The following NCOA2 variants were observed in gnomAD, a reference collection of about 807,000 sequenced individuals.
NCOA2 encodes class E basic helix-loop-helix protein 75.
Under a neutral mutation model 145.1 loss-of-function variants are expected in NCOA2, and 21 were observed. The observed-to-expected ratio is 0.14, with a 90% CI of 0.10 to 0.21. NCOA2 has a LOEUF of 0.21. Among genes scored for constraint, NCOA2 ranks in the 10% least tolerant of loss-of-function variants. The pLI is 1.00. For missense variants in NCOA2, 1,472 were observed against 1,837.6 expected (o/e 0.80, Z 3.64); for synonymous variants, 619 against 637.5 (o/e 0.97, Z 0.44).
the NCOA2 span, among the ~76,000 whole-genome samples, chr8:70,451,233 A>ATATATATATATATATAT: frequency 1.2e-5 from 1 of 85,730 alleles, no homozygotes; most frequent in African/African-American, 4.4e-5. Context: ...AAAAAAAAAA[A>ATATATATATATATATAT]AAAAATATAT....
At chr8:70,345,358 T>C (rs929915738) in intron 1 of NCOA2, among the ~76,000 whole-genome samples, 1 of 152,202 alleles carries the variant, frequency 6.6e-6, no homozygotes, top group Admixed American at 6.5e-5. Context: ...CAGAGACATG[T>C]AATTTTTTCC....
chr8:70,116,777 G>A (rs1807183460), intron 22 of NCOA2, among the ~76,000 whole-genome samples: 1 of 152,202 alleles, frequency 6.6e-6, no homozygotes, highest in South Asian at 2.1e-4. Flanking sequence ...TTAACAATCA[G>A]CATGAAGAAA....
chr8:70,387,463 A>G (rs2131555092), intron 1 of NCOA2, among the ~76,000 whole-genome samples: 1 of 152,352 alleles, frequency 6.6e-6, no homozygotes, highest in Admixed American at 6.5e-5. Flanking sequence ...CGTCTCAGAA[A>G]TAATAAATCC....
chr8:70,419,090 TG>T, the NCOA2 span, among the ~76,000 whole-genome samples: 11 of 151,210 alleles, frequency 7.3e-5, no homozygotes, highest in Non-Finnish European at 7.4e-5. Context: ...AGTGGAATTT[TG>T]TAGGATTTTA....
intron 1 of NCOA2, among the ~76,000 whole-genome samples, chr8:70,355,587 T>TA (rs1809611303): frequency 6.6e-6 from 1 of 152,078 alleles, no homozygotes; most frequent in African/African-American, 2.4e-5. Context: ...TTTTTTCTTT[T>TA]TTTTTTTCTC....
At chr8:70,120,215 T>C (rs532528006) in intron 22 of NCOA2, among the ~76,000 whole-genome samples, 30 of 152,316 alleles carry the variant, frequency 2.0e-4, no homozygotes, top group African/African-American at 7.0e-4. Context: ...ACAGGTTGTA[T>C]GGGATAGGAT....
At chr8:70,411,638 C>T in the NCOA2 span, among the ~76,000 whole-genome samples, 54 of 152,252 alleles carry the variant, frequency 3.5e-4, no homozygotes, top group African/African-American at 1.2e-3. Context: ...CAATGGAATA[C>T]TATACTGAAA....
At chr8:70,344,527 T>C (rs1808434764) in intron 1 of NCOA2, among the ~76,000 whole-genome samples, 2 of 152,200 alleles carry the variant, frequency 1.3e-5, no homozygotes, top group South Asian at 4.1e-4. Context: ...ACAAACTCTC[T>C]AGATTTCTAA....
intron 4 of NCOA2, among the ~76,000 whole-genome samples, chr8:70,194,866 G>C (rs549937404): frequency 2.0e-4 from 31 of 152,194 alleles, no homozygotes; most frequent in African/African-American, 6.5e-4. Flanking sequence ...CCAAATGGCA[G>C]ACAAAGCCAA....
upstream of NCOA2, among the ~76,000 whole-genome samples, chr8:70,408,753 A>C (rs893962245): frequency 1.4e-5 from 2 of 148,030 alleles, no homozygotes; most frequent in African/African-American, 5.0e-5. Flanking sequence ...TCAGGAATAC[A>C]GGTGTGTGCC....
chr8:70,334,501 C>T (rs1004314828), intron 1 of NCOA2, among the ~76,000 whole-genome samples: 1 of 152,196 alleles, frequency 6.6e-6, no homozygotes, highest in Admixed American at 6.5e-5. Flanking sequence ...TCTCTCTAGT[C>T]TATGTACAAC....
In NCOA2 at chr8:70,341,094, A is replaced by AAAGAAAG. The variant is rs1554630207; in HGVS notation, c.-76-44295_-76-44294insCTTTCTT. ...AACTTAAAAAGTTGAAAAAAAAAAA[A>AAAGAAAG]AAAGAAACAAATAGGCTGGGCATGG... On this transcript the variant is annotated intron_variant, in intron 1 of 22. Coordinates refer to ENST00000452400, the MANE Select transcript of NCOA2 (RefSeq NM_006540.4). 3.3e-3 allele frequency among the ~76,000 whole-genome samples: 499 copies of AAAGAAAG among 150,326 alleles called. 6 individuals carry two copies. The highest frequency in any genetic ancestry group is 0.027 in the South Asian group (128 of 4,684).
chr8:70,294,225 T>C (rs1023203716), intron 2 of NCOA2, among the ~76,000 whole-genome samples: 1 of 152,140 alleles, frequency 6.6e-6, no homozygotes, highest in East Asian at 1.9e-4. Context: ...TTCCCAGAGA[T>C]ACAAACTATC....
At chr8:70,122,255 G>A (rs1458653833) in intron 21 of NCOA2, among the ~76,000 whole-genome samples, 1 of 151,862 alleles carries the variant, frequency 6.6e-6, no homozygotes, top group Non-Finnish European at 1.5e-5. Flanking sequence ...ATAAACACAC[G>A]CATATATTTT....
Position 70,156,391 on chromosome 8 carries a change from G to C in NCOA2, c.1974C>G (p.Ala658=). The C allele has an allele frequency of 6.2e-7, 1 of 1,613,988 alleles. No individual in the cohort carries two copies. Among genetic ancestry groups the C allele is most frequent in the Non-Finnish European group, 8.5e-7 (1 of 1,179,896 alleles). Residue 658 remains alanine (A), a synonymous_variant, in exon 11 of 23, where the codon GCC becomes GCG. Transcript: ENST00000452400. The part of the protein sequence containing the change: ...KSDQMEPSPL[A]SSLSDTNKDS... ...CTTTGTTTGTATCCGACAAAGAGCT[G>C]GCTAAGGGCGAGGGCTCCATCTGAT...
chr8:70,227,240 C>T (rs1414178620), intron 2 of NCOA2, among the ~76,000 whole-genome samples: 1 of 152,154 alleles, frequency 6.6e-6, no homozygotes, highest in Non-Finnish European at 1.5e-5. Context: ...CATTTAACTC[C>T]AAACTTTCCT....
chr8:70,424,376 G>T, the NCOA2 span: 1 of 377,716 alleles, frequency 2.6e-6, no homozygotes. Flanking sequence ...CTGCTTAGTG[G>T]CAATCATATG....
chr8:70,142,025 A>T (rs934915380), intron 13 of NCOA2, among the ~76,000 whole-genome samples: 2 of 152,202 alleles, frequency 1.3e-5, no homozygotes, highest in African/African-American at 2.4e-5. Flanking sequence ...ATGGGTTAGG[A>T]CAGATTTGTA....
chr8:70,212,100 T>TATATATATATATATATA (rs1563628128), intron 4 of NCOA2, among the ~76,000 whole-genome samples: 2 of 148,020 alleles, frequency 1.4e-5, no homozygotes, highest in Admixed American at 6.7e-5. Context: ...TATATATATA[T>TATATATATATATATATA]TTGTTTTGAA....
Sources: gnomAD v4.1 joint callset for allele counts (sites outside exome capture counted in the v4.1 genomes callset) on GRCh38, gnomAD v4.1.1 for gene constraint, MANE v1.5 for transcripts, NCBI Gene and HGNC (gene_info 2026-07-23, HGNC 2026-07-21) for gene names.